Variants in FGF10 observed in about 807,000 individuals in gnomAD.
FGF10 encodes the protein FGF-10.
A neutral mutation model predicts 19.8 loss-of-function variants in FGF10; 2 were observed. The ratio of observed to expected loss-of-function variants is 0.10; its 90% CI spans 0.04 to 0.32. The LOEUF is 0.32. Ranked by LOEUF, FGF10 falls within the 10% of genes least tolerant of loss-of-function variation. FGF10 has a pLI of 1.00. For synonymous variants in FGF10, 112 were observed against 94.0 expected, an observed-to-expected ratio of 1.19 and a Z score of -1.10; for missense variants, 191 against 246.3, an observed-to-expected ratio of 0.78 and a Z score of 1.50.
At chr5:44,348,885 C>T (rs12513830) in intron 1 of FGF10, among the ~76,000 whole-genome samples, 1 of 151,110 alleles carries the variant, frequency 6.6e-6, no homozygotes, top group Non-Finnish European at 1.5e-5. Context: ...TTCTGGCTTA[C>T]CCTAAATGCT....
intron 2 of FGF10, among the ~76,000 whole-genome samples, chr5:44,307,578 G>T (rs1414080481): frequency 6.6e-6 from 1 of 152,160 alleles, no homozygotes; most frequent in South Asian, 2.1e-4. Context: ...GATAATTCAA[G>T]AGAATAGATA....
rs545208558 is a variant in FGF10 at position 44,303,234 on chromosome 5, T to A, written c.*1761A>T. 1.4e-4 allele frequency among the ~76,000 whole-genome samples: 22 copies of A among 152,250 alleles called. No individual in the cohort carries two copies. In the South Asian group the frequency reaches 1.9e-3, roughly 13 times the overall value. ...ACCTTTTATGGGATTATACAAAAAA[T>A]TTCTTAATAAAGCAATTTTTAAAAA... is the stretch of plus-strand genomic sequence containing the variant. On this transcript the variant is annotated 3_prime_UTR_variant, in exon 3 of 3. Coordinates refer to ENST00000264664, the MANE Select transcript of FGF10 (RefSeq NM_004465.2).
intron 1 of FGF10, among the ~76,000 whole-genome samples, chr5:44,376,864 T>A (rs867813825): frequency 1.1e-4 from 16 of 152,102 alleles, no homozygotes; most frequent in African/African-American, 3.9e-4. Flanking sequence ...TCTTTCTTTT[T>A]TTACTTCAAA....
chr5:44,311,839 A>C (rs1401182418), intron 1 of FGF10, among the ~76,000 whole-genome samples: 3 of 152,092 alleles, frequency 2.0e-5, no homozygotes, highest in African/African-American at 7.2e-5. Context: ...CAGTCTACAG[A>C]TTATATGTTT....
At chr5:44,325,956 C>T (rs1472819894) in intron 1 of FGF10, among the ~76,000 whole-genome samples, 1 of 152,100 alleles carries the variant, frequency 6.6e-6, no homozygotes, top group Non-Finnish European at 1.5e-5. Flanking sequence ...CATCATACAG[C>T]ATATATTTCA....
chr5:44,331,211 G>T (rs1439494665), intron 1 of FGF10, among the ~76,000 whole-genome samples: 1 of 151,914 alleles, frequency 6.6e-6, no homozygotes, highest in Non-Finnish European at 1.5e-5. Context: ...ACTAGATAGT[G>T]CTTAAAATTT....
chr5:44,354,365 A>G (rs1427356568), intron 1 of FGF10, among the ~76,000 whole-genome samples: 1 of 151,566 alleles, frequency 6.6e-6, no homozygotes, highest in Non-Finnish European at 1.5e-5. Context: ...TGCTTATTAA[A>G]TCATTAAAAT....
chr5:44,366,554 G>C (rs1741618548), intron 1 of FGF10, among the ~76,000 whole-genome samples: 1 of 151,962 alleles, frequency 6.6e-6, no homozygotes, highest in Non-Finnish European at 1.5e-5. Flanking sequence ...GAATTAGTCT[G>C]TTTCCTTTAA....
intron 1 of FGF10, among the ~76,000 whole-genome samples, chr5:44,328,949 A>G (rs1193403035): frequency 2.0e-5 from 3 of 152,106 alleles, no homozygotes; most frequent in Non-Finnish European, 4.4e-5. Context: ...GTGAGCCACG[A>G]TTGCACCATT....
At chr5:44,306,208 C>T (rs1034469454) in intron 2 of FGF10, among the ~76,000 whole-genome samples, 3 of 151,908 alleles carry the variant, frequency 2.0e-5, no homozygotes, top group African/African-American at 7.3e-5. Flanking sequence ...CCAGCCTGGC[C>T]AACATGGTGA....
intron 1 of FGF10, among the ~76,000 whole-genome samples, chr5:44,345,633 CA>C (rs199895920): frequency 0.62 from 83,966 of 134,362 alleles, 27,277 homozygotes; most frequent in Non-Finnish European, 0.76. Flanking sequence ...TTTCTCAGCT[CA>C]AAAAAAAAAA....
chr5:44,335,429 A>G (rs1740824683), intron 1 of FGF10, among the ~76,000 whole-genome samples: 2 of 152,068 alleles, frequency 1.3e-5, no homozygotes, highest in South Asian at 2.1e-4. Flanking sequence ...AACAAAAAAC[A>G]TACTTTCATA....
intron 1 of FGF10, among the ~76,000 whole-genome samples, chr5:44,344,724 A>T (rs1334464483): frequency 6.6e-6 from 1 of 151,740 alleles, no homozygotes; most frequent in Non-Finnish European, 1.5e-5. Flanking sequence ...TTTGCTAATA[A>T]TAACTAAGTT....
rs929762847 is a variant in FGF10, at chr5:44,303,242, T to G, written c.*1753A>C. Among the ~76,000 whole-genome samples, 43 of 152,264 alleles carry G rather than the reference T, an allele frequency of 2.8e-4. No individual in the cohort carries two copies. The highest frequency in any genetic ancestry group is 9.1e-4 in the African/African-American group (38 of 41,570). On this transcript the variant is annotated 3_prime_UTR_variant, in exon 3 of 3. Transcript: ENST00000264664. Reference sequence around the variant, plus strand: ...TGGGATTATACAAAAAATTTCTTAATAAAGCAATTTTTAAAAATAACAGAT... The same window carrying G: ...TGGGATTATACAAAAAATTTCTTAAGAAAGCAATTTTTAAAAATAACAGAT...
intron 1 of FGF10, among the ~76,000 whole-genome samples, chr5:44,376,660 A>G (rs908970675): frequency 2.0e-5 from 3 of 151,984 alleles, no homozygotes; most frequent in Non-Finnish European, 4.4e-5. Flanking sequence ...TTGTAAAATA[A>G]TGATCATTTG....
intron 1 of FGF10, among the ~76,000 whole-genome samples, chr5:44,358,762 G>A (rs1155067): frequency 0.98 from 148,875 of 151,570 alleles, 73,181 homozygotes; most frequent in East Asian, 1. Flanking sequence ...AGCCAGACAT[G>A]TAGACAGTAA....
At chr5:44,374,707 A>G (rs1038047092) in intron 1 of FGF10, among the ~76,000 whole-genome samples, 5 of 152,152 alleles carry the variant, frequency 3.3e-5, no homozygotes, top group African/African-American at 1.2e-4. Context: ...TCATTTTTTA[A>G]TAACCACCAA....
At chr5:44,385,394 G>T (rs1742074968) in intron 1 of FGF10, among the ~76,000 whole-genome samples, 1 of 152,126 alleles carries the variant, frequency 6.6e-6, no homozygotes, top group Non-Finnish European at 1.5e-5. Flanking sequence ...CAATACTTAT[G>T]AATGATTGTC....
At chr5:44,387,498 G>A (rs756783846) in intron 1 of FGF10, among the ~76,000 whole-genome samples, 11 of 152,198 alleles carry the variant, frequency 7.2e-5, no homozygotes, top group Non-Finnish European at 1.6e-4. Context: ...AATGAAATTT[G>A]TGTGAGGTCT....
Sources: gnomAD v4.1 joint callset for allele counts (sites outside exome capture counted in the v4.1 genomes callset) on GRCh38, gnomAD v4.1.1 for gene constraint, MANE v1.5 for transcripts, NCBI Gene and HGNC (gene_info 2026-07-23, HGNC 2026-07-21) for gene names.